Variants in SLC30A10 observed in about 807,000 individuals in gnomAD.
SLC30A10 encodes calcium/manganese antiporter SLC30A10.
A neutral mutation model predicts 21.7 loss-of-function variants in SLC30A10; 8 were observed. The observed-to-expected ratio is 0.37, with a 90% confidence interval of 0.22 to 0.67. SLC30A10 has a LOEUF of 0.67. Ranked by LOEUF, SLC30A10 falls within the 30% of genes least tolerant of loss-of-function variation. The pLI, the probability that SLC30A10 is intolerant of heterozygous loss-of-function variation, is 0.58. For synonymous variants in SLC30A10, 272 were observed against 279.4 expected (o/e 0.97, Z 0.26); for missense variants, 521 against 642.5 (o/e 0.81, Z 2.04).
rs1659401182 is a variant in SLC30A10 at position 219,911,149 on chromosome 1, G to GTTTTTTTTGTT, written c.*4299_*4300insAACAAAAAAAA. Among the ~76,000 whole-genome samples, 1 of 49,400 alleles carries GTTTTTTTTGTT rather than the reference G, an allele frequency of 2.0e-5. No homozygotes were observed. The highest frequency in any genetic ancestry group is 4.5e-5 in the Non-Finnish European group (1 of 22,434). The allele number at this position is 49,400 out of a possible 152,430, so 32.4% of individuals were successfully genotyped here. On this transcript the variant is annotated 3_prime_UTR_variant, in exon 4 of 4. Coordinates refer to ENST00000366926, the MANE Select transcript of SLC30A10 (RefSeq NM_018713.3). ...ATGTTTCTTCATTTTTTCTACATCA[G>GTTTTTTTTGTT]TTTTTTTTTTTTTTTTTTTTTTTTT...
intron 1 of SLC30A10, among the ~76,000 whole-genome samples, chr1:219,938,950 C>T (rs959986953): frequency 8.5e-5 from 13 of 152,104 alleles, no homozygotes; most frequent in African/African-American, 2.2e-4. Flanking sequence ...ATGCTGCTGT[C>T]GTAGCTATGG....
intron 1 of SLC30A10, among the ~76,000 whole-genome samples, chr1:219,934,813 T>C (rs1040143568): frequency 1.3e-5 from 2 of 152,178 alleles, no homozygotes; most frequent in Non-Finnish European, 2.9e-5. Flanking sequence ...TGGGGTCATC[T>C]TGTCATTATT....
rs1231437342 is a variant in SLC30A10 at position 219,955,860 on chromosome 1, G to C, written n.80+2708C>G. Reference sequence around the variant, plus strand: ...GACTTACAGAAATTCTTTATCCTAAGTTTAGGTTGAATCTTTTGAAATCAA... The same window carrying C: ...GACTTACAGAAATTCTTTATCCTAACTTTAGGTTGAATCTTTTGAAATCAA... On this transcript the variant is annotated intron_variant and non_coding_transcript_variant, in intron 1 of 8. Transcript: ENST00000484239. Among the ~76,000 whole-genome samples the C allele has an allele frequency of 4.6e-5, 7 of 152,152 alleles. No individual in the cohort carries two copies. In the East Asian group the frequency reaches 1.3e-3, roughly 29 times the overall value.
At chr1:219,943,557 T>G (rs1660147137) in intron 1 of SLC30A10, among the ~76,000 whole-genome samples, 1 of 152,090 alleles carries the variant, frequency 6.6e-6, no homozygotes, top group Admixed American at 6.6e-5. Context: ...CAACAGAAAA[T>G]CTACCATCAT....
At chr1:219,953,219 C>A (rs991942159) in intron 1 of SLC30A10, among the ~76,000 whole-genome samples, 4 of 152,104 alleles carry the variant, frequency 2.6e-5, no homozygotes, top group African/African-American at 9.7e-5. Context: ...ATCACAAATT[C>A]CCAATCATTA....
Position 219,921,399 on chromosome 1 carries a change from T to C in SLC30A10, c.719-2905A>G, listed in dbSNP as rs1659672388. Among the ~76,000 whole-genome samples, 2 of 152,216 alleles carry C rather than the reference T, an allele frequency of 1.3e-5. 1 individual carries two copies. The highest frequency in any genetic ancestry group is 4.1e-4 in the South Asian group (2 of 4,828). On this transcript the variant is annotated intron_variant, in intron 2 of 3. Transcript: ENST00000366926. Reference sequence around the variant, plus strand: ...AAAAAGTGTTAACTGGGGATATCAATCTGGGTGGTCTGACCAGAGATCTAC... The same window carrying C: ...AAAAAGTGTTAACTGGGGATATCAACCTGGGTGGTCTGACCAGAGATCTAC...
chr1:219,927,949 G>A lies in SLC30A10; in HGVS notation c.492C>T (p.Pro164=), dbSNP rs1222809093. 7 of 1,541,192 alleles carry A rather than the reference G, an allele frequency of 4.5e-6. No individual in the cohort carries two copies. The East Asian group carries it at 1.0e-4, about 22-fold the overall frequency. The change falls in exon 1 of 4, where the codon CCC becomes CCT. Residue 164 remains proline (P), a synonymous_variant. Coordinates refer to ENST00000366926, the MANE Select transcript of SLC30A10 (RefSeq NM_018713.3). ...QRQQLAEGCV[P]GAFGGPQGAE... is the part of the protein sequence containing the mutation. ...CGCCCTGAGGCCCCCCGAAAGCGCC[G>A]GGGACACAGCCCTCCGCCAGCTGCT...
Position 219,915,360 on chromosome 1 carries a change from G to A in SLC30A10, c.*89C>T. The A allele has an allele frequency of 1.3e-6, 2 of 1,495,210 alleles. No individual in the cohort carries two copies. The highest frequency in any genetic ancestry group is 9.1e-7 in the Non-Finnish European group (1 of 1,102,350). The allele number at this position is 1,495,210 out of a possible 1,614,324, so 92.6% of individuals were successfully genotyped here. A position where few individuals can be genotyped will look rare whatever the true frequency, so the allele number is the denominator to read the frequency against. On this transcript the variant is annotated 3_prime_UTR_variant, in exon 4 of 4. Coordinates refer to ENST00000366926, the MANE Select transcript of SLC30A10 (RefSeq NM_018713.3). ...AGCATGCATGCTGCAAGTCTAGTCT[G>A]GGCCTACAACCCAGAAAGCTCTTTT...
chr1:219,928,490 C>G lies in SLC30A10; in HGVS notation c.-50G>C, dbSNP rs1448098695. ...GCGCCGCCCAGGGGAGCGCAGCCCACCCCGCGCGCAGCCACAGGTGGGGGG... is the reference window on the plus strand; with the variant it reads ...GCGCCGCCCAGGGGAGCGCAGCCCAGCCCGCGCGCAGCCACAGGTGGGGGG... On this transcript the variant is annotated 5_prime_UTR_variant, in exon 1 of 4. Transcript: ENST00000366926. This position sits in a 1 kb window ranked among gnomAD's most constrained non-coding sequence, Gnocchi z 6.3. 13 of 1,455,842 alleles carry G rather than the reference C, an allele frequency of 8.9e-6. No individual in the cohort carries two copies. The highest frequency in any genetic ancestry group is 1.1e-5 in the Non-Finnish European group (12 of 1,111,384). 90.2% of individuals were successfully genotyped at this position (1,455,842 alleles called of 1,614,324 possible).
At chr1:219,927,666 A>AAACAAC (rs1553313718) in intron 1 of SLC30A10, 135 bp downstream of exon 1, 9 of 251,886 alleles carry the variant, frequency 3.6e-5, no homozygotes, top group Non-Finnish European at 5.5e-5. Context: ...AAAAAAAAAA[A>AAACAAC]AACAACAACA....
rs775374396 is a variant in SLC30A10 at position 219,915,598 on chromosome 1, G to A, written c.1309C>T (p.Leu437=). The change falls in exon 4 of 4, where the codon CTA becomes TTA. Residue 437 remains leucine (L), a synonymous_variant. Coordinates refer to ENST00000366926, the MANE Select transcript of SLC30A10 (RefSeq NM_018713.3). The part of the protein sequence containing the change: ...GCAEHNGGPS[L]DTYGSDGLSR... ...AGGCCATCACTTCCGTATGTGTCTA[G>A]AGAGGGCCCACCATTGTGCTCAGCA... 1.9e-6 allele frequency: 3 copies of A among 1,614,114 alleles called. No individual in the cohort carries two copies.
chr1:219,918,444 T>A lies in SLC30A10; in HGVS notation c.769A>T (p.Ile257Phe), dbSNP rs781524401. ...AGCACATAGAATATGATGGCCGTGA[T>A]GACCACAACCACGGACCCCAGGGCA... ...GDALGSVVVV[I>F]TAIIFYVLPL... is the part of the protein sequence containing the mutation. Residue 257 changes from isoleucine to phenylalanine, a missense_variant, in exon 3 of 4, where the codon ATC becomes TTC. Physicochemically the swap from Ile to Phe is conservative, Grantham distance 21. Transcript: ENST00000366926. The surrounding 1 kb of genome is among the most constrained non-coding windows in gnomAD (Gnocchi z 4.4). The A allele has an allele frequency of 1.2e-6, 2 of 1,613,486 alleles. No individual in the cohort carries two copies. The highest frequency in any genetic ancestry group is 1.7e-6 in the Non-Finnish European group (2 of 1,179,548).
At chr1:219,941,359 G>A (rs1036402073) in intron 1 of SLC30A10, among the ~76,000 whole-genome samples, 2 of 152,184 alleles carry the variant, frequency 1.3e-5, no homozygotes, top group Non-Finnish European at 2.9e-5. Flanking sequence ...TTAGAAGCAG[G>A]ATTCACAGGT....
chr1:219,927,484 G>A (rs889905712), intron 1 of SLC30A10, among the ~76,000 whole-genome samples: 1 of 151,492 alleles, frequency 6.6e-6, no homozygotes. Flanking sequence ...AATAGTGACC[G>A]ATTTCCAAGA....
intron 2 of SLC30A10, among the ~76,000 whole-genome samples, chr1:219,924,504 C>T (rs1659769087): frequency 6.6e-6 from 1 of 152,158 alleles, no homozygotes; most frequent in African/African-American, 2.4e-5. Context: ...TGAACTGTGG[C>T]TCCAAGATAA....
chr1:219,926,871 T>C (rs1216833549), intron 2 of SLC30A10, among the ~76,000 whole-genome samples, 157 bp downstream of exon 2: 1 of 152,186 alleles, frequency 6.6e-6, no homozygotes, highest in Non-Finnish European at 1.5e-5. Context: ...TCAGGATCAA[T>C]GCAGTGATTA....
chr1:219,947,123 T>C (rs930679071), intron 1 of SLC30A10, among the ~76,000 whole-genome samples: 2 of 152,192 alleles, frequency 1.3e-5, no homozygotes, highest in African/African-American at 4.8e-5. Context: ...AGCCAGCCCC[T>C]ACCTCCCATT....
intron 1 of SLC30A10, among the ~76,000 whole-genome samples, chr1:219,938,483 T>A (rs1462943197): frequency 2.0e-5 from 3 of 152,142 alleles, no homozygotes; most frequent in Non-Finnish European, 4.4e-5. Flanking sequence ...AAATTTGCCT[T>A]CCCCAGGGAC....
intron 1 of SLC30A10, among the ~76,000 whole-genome samples, chr1:219,943,823 G>A (rs1660149319): frequency 6.6e-6 from 1 of 152,192 alleles, no homozygotes; most frequent in Non-Finnish European, 1.5e-5. Flanking sequence ...TGGGAGGCCA[G>A]GCGCGGTGGC....
Sources: allele counts gnomAD v4.1 joint callset (sites outside exome capture counted in the v4.1 genomes callset), GRCh38; gene constraint gnomAD v4.1.1; non-coding constraint Gnocchi (gnomAD v3.1); transcripts MANE v1.5; gene names NCBI Gene and HGNC (gene_info 2026-07-23, HGNC 2026-07-21).